PCDHA8: variants seen among roughly 807,000 people sequenced by gnomAD.
PCDHA8 encodes the protein protocadherin alpha-8.
In PCDHA8, 53 loss-of-function variants were observed where a neutral mutation model predicts 61.8. The ratio of observed to expected loss-of-function variants is 0.86; its 90% CI spans 0.69 to 1.08. PCDHA8 has a LOEUF of 1.08. Among genes scored for constraint, PCDHA8 ranks in the 50% least tolerant of loss-of-function variants. The pLI, the probability that PCDHA8 is intolerant of heterozygous loss-of-function variation, is 0.00. For synonymous variants in PCDHA8, 618 were observed against 556.6 expected, an observed-to-expected ratio of 1.11 and a Z score of -1.55; for missense variants, 1,293 against 1,245.0, an observed-to-expected ratio of 1.04 and a Z score of -0.58.
At chr5:141,006,108 T>C (rs1268824828) in intron 3 of PCDHA8, among the ~76,000 whole-genome samples, 5 of 151,864 alleles carry the variant, frequency 3.3e-5, no homozygotes. Context: ...GTAAGGAGTT[T>C]TTTTTTTTTT....
chr5:140,869,788 T>A (rs782425741), intron 1 of PCDHA8: 1 of 1,612,892 alleles, frequency 6.2e-7, no homozygotes, highest in East Asian at 2.2e-5. Flanking sequence ...CGTTCGGCTG[T>A]TAGTCCAAGT....
intron 1 of PCDHA8, chr5:140,863,201 C>A: frequency 1.1e-6 from 1 of 925,678 alleles, no homozygotes; most frequent in Admixed American, 1.8e-5. Context: ...GCGTCGCTGG[C>A]GGAGAGCAGC....
intron 1 of PCDHA8, among the ~76,000 whole-genome samples, chr5:140,950,687 C>A (rs2153690415): frequency 6.6e-6 from 1 of 152,106 alleles, no homozygotes; most frequent in South Asian, 2.1e-4. Context: ...ATATTGTTAA[C>A]CAAATTTGAC....
intron 1 of PCDHA8, chr5:140,884,546 T>C (rs1554181711): frequency 6.2e-7 from 1 of 1,614,082 alleles, no homozygotes; most frequent in Non-Finnish European, 8.5e-7. Flanking sequence ...GAGGGTGTGC[T>C]CTGGGGAGGG....
chr5:140,842,857 G>C lies in PCDHA8; in HGVS notation c.1536G>C (p.Thr512=). 6.3e-7 allele frequency: 1 copy of C among 1,594,002 alleles called. No homozygotes were observed. Among genetic ancestry groups the C allele is most frequent in the Non-Finnish European group, 8.6e-7 (1 of 1,165,400 alleles). Residue 512 remains threonine (T), a synonymous_variant, in exon 1 of 4, where the codon ACG becomes ACC. Coordinates refer to ENST00000531613, the MANE Select transcript of PCDHA8 (RefSeq NM_018911.3). ...RSLSSYISVH[T]ESGKVYALQP... ...TGTCGAGCTACATTTCGGTGCACAC[G>C]GAGAGCGGCAAGGTGTACGCGCTGC...
chr5:140,873,240 A>G (rs1008708021), intron 1 of PCDHA8, among the ~76,000 whole-genome samples: 10 of 152,226 alleles, frequency 6.6e-5, no homozygotes, highest in African/African-American at 2.4e-4. Context: ...ATAAAAATAT[A>G]AAATATTTCA....
chr5:140,967,272 TAG>T, intron 1 of PCDHA8: 1 of 1,613,412 alleles, frequency 6.2e-7, no homozygotes, highest in Non-Finnish European at 8.5e-7. Flanking sequence ...CGCTTTCACA[TAG>T]AGAGTGCGCA....
At position 141,009,762 on chromosome 5, in the gene PCDHA8, C is replaced by G. The variant is rs2154001658; in HGVS notation, c.2678C>G (p.Ser893Cys). Reference sequence around the variant, plus strand: ...CCCGACAAATTCATTATCCCAGGATCTCCTGCAATCATCTCCATCCGGCAG... The same window carrying G: ...CCCGACAAATTCATTATCCCAGGATGTCCTGCAATCATCTCCATCCGGCAG... Reference protein sequence around the residue: ...ELPDKFIIPGSPAIISIRQEP... With the variant: ...ELPDKFIIPGCPAIISIRQEP... The change falls in exon 4 of 4, where the codon TCT becomes TGT. Residue 893 changes from serine (S) to cysteine (C), a missense_variant. Coordinates refer to ENST00000531613, the MANE Select transcript of PCDHA8 (RefSeq NM_018911.3). 5 of 1,614,180 alleles carry G rather than the reference C, an allele frequency of 3.1e-6. No homozygotes were observed. In the East Asian group the frequency reaches 1.1e-4, roughly 36 times the overall value.
chr5:140,841,898 G>A lies in PCDHA8; in HGVS notation c.577G>A (p.Glu193Lys). 1.9e-6 allele frequency: 3 copies of A among 1,613,824 alleles called. No individual in the cohort carries two copies. The highest frequency in any genetic ancestry group is 1.3e-5 in the African/African-American group (1 of 74,954). ...AAAGAACGATGAGAATAAACTGGTT[G>A]AGCTCGTATTAAGAAAATCCTTGGA... is the stretch of plus-strand genomic sequence containing the variant. ...NSKNDENKLV[E>K]LVLRKSLDRE... Residue 193 changes from glutamate (E) to lysine (K), a missense_variant, in exon 1 of 4, where the codon GAG becomes AAG. Coordinates refer to ENST00000531613, the MANE Select transcript of PCDHA8 (RefSeq NM_018911.3).
At chr5:140,872,573 C>T (rs1400699707) in intron 1 of PCDHA8, among the ~76,000 whole-genome samples, 1 of 152,068 alleles carries the variant, frequency 6.6e-6, no homozygotes, top group African/African-American at 2.4e-5. Flanking sequence ...GCTGCAGTGA[C>T]CTATCATCGT....
chr5:140,945,000 G>A (rs980802301), intron 1 of PCDHA8, among the ~76,000 whole-genome samples: 3 of 151,862 alleles, frequency 2.0e-5, no homozygotes, highest in African/African-American at 7.3e-5. Context: ...AACGGTTGTG[G>A]GTCATGAATT....
intron 3 of PCDHA8, among the ~76,000 whole-genome samples, chr5:140,997,644 ATGCAATAT>A (rs1287449551): frequency 7.9e-5 from 12 of 151,656 alleles, no homozygotes; most frequent in African/African-American, 2.9e-4. Flanking sequence ...AAATGGGATA[ATGCAATAT>A]GTATTATTAT....
intron 1 of PCDHA8, chr5:140,869,706 T>C (rs1554163364): frequency 2.5e-6 from 4 of 1,613,406 alleles, no homozygotes; most frequent in South Asian, 1.1e-5. Flanking sequence ...AGTCTCTGGA[T>C]AGAGAGAAAA....
At chr5:140,857,993 C>G (rs782150278) in intron 1 of PCDHA8, 1 of 1,597,064 alleles carries the variant, frequency 6.3e-7, no homozygotes. Flanking sequence ...CCTACTGGTG[C>G]TGGTGAAGGA....
At chr5:140,856,204 G>A (rs782220766) in intron 1 of PCDHA8, 2 of 1,598,000 alleles carry the variant, frequency 1.3e-6, no homozygotes, top group African/African-American at 2.7e-5. Flanking sequence ...AGGACCTGGG[G>A]CTGGAGCTGG....
intron 1 of PCDHA8, chr5:140,870,846 G>T: frequency 6.2e-7 from 1 of 1,613,860 alleles, no homozygotes; most frequent in Non-Finnish European, 8.5e-7. Context: ...AGCTAGTACC[G>T]CGGTCGGTGG....
At chr5:140,946,456 G>A (rs1554217589) in intron 1 of PCDHA8, among the ~76,000 whole-genome samples, 1 of 151,574 alleles carries the variant, frequency 6.6e-6, no homozygotes, top group African/African-American at 2.4e-5. Flanking sequence ...CAACTATCCA[G>A]CAATCCCACT....
chr5:140,882,859 GA>G (rs1554175853), intron 1 of PCDHA8: 4 of 1,614,192 alleles, frequency 2.5e-6, no homozygotes, highest in Non-Finnish European at 3.4e-6. Flanking sequence ...TTGTACTGAG[GA>G]AAACACTGGA....
chr5:140,937,776 G>A (rs1350103217), intron 1 of PCDHA8, among the ~76,000 whole-genome samples: 1 of 151,292 alleles, frequency 6.6e-6, no homozygotes, highest in Non-Finnish European at 1.5e-5. Context: ...GTCGGGCGTG[G>A]TGGCGGGCGT....
Sources: allele counts gnomAD v4.1 joint callset (sites outside exome capture counted in the v4.1 genomes callset), GRCh38; gene constraint gnomAD v4.1.1; transcripts MANE v1.5; gene names NCBI Gene and HGNC (gene_info 2026-07-23, HGNC 2026-07-21).